GSG1L2: variants seen among roughly 807,000 people sequenced by gnomAD.
GSG1L2 encodes the protein germ cell-specific gene 1-like protein 2.
A neutral mutation model predicts 9.0 loss-of-function variants in GSG1L2; 15 were observed. The ratio of observed to expected loss-of-function variants is 1.67; its 90% CI spans 1.12 to 2.57. The LOEUF (loss-of-function observed/expected upper bound fraction) is 2.57. Among genes scored for constraint, GSG1L2 ranks in the 30% most tolerant of loss-of-function variants. The probability of loss-of-function intolerance (pLI) is 0.00; values close to 1 mark genes in which losing one functional copy is unlikely to be tolerated. For missense variants in GSG1L2, 286 were observed against 150.3 expected, an observed-to-expected ratio of 1.90 and a Z score of -4.72; for synonymous variants, 127 against 57.9, an observed-to-expected ratio of 2.19 and a Z score of -5.41.
At chr17:9,809,486 G>C (rs530777583) in intron 2 of GSG1L2, 1 of 157,172 alleles carries the variant, frequency 6.4e-6, no homozygotes, top group African/African-American at 2.4e-5. Context: ...GAGGGTGGCT[G>C]TGGCGGGCTG....
At chr17:9,818,334 T>A (rs35859443) in intron 1 of GSG1L2, among the ~76,000 whole-genome samples, 18,278 of 151,542 alleles carry the variant, frequency 0.12, 1,379 homozygotes, top group Middle Eastern at 0.17. Context: ...GTTTTAGTTT[T>A]GTTTTGTTTT....
chr17:9,816,910 C>G (rs867103626), intron 1 of GSG1L2, among the ~76,000 whole-genome samples: 9 of 94,446 alleles, frequency 9.5e-5, no homozygotes, highest in Admixed American at 1.2e-4. Flanking sequence ...GTGTGTGTAT[C>G]TGTGTGTGTG....
intron 1 of GSG1L2, among the ~76,000 whole-genome samples, chr17:9,816,864 G>GTC (rs879672807): frequency 0.5 from 74,270 of 148,092 alleles, 20,074 homozygotes; most frequent in East Asian, 0.99. Flanking sequence ...ATCTGTATGT[G>GTC]TGTGTCTGTG....
Position 9,801,360 on chromosome 17 carries a change from A to G in GSG1L2, c.*1026T>C, listed in dbSNP as rs1597937852. Among the ~76,000 whole-genome samples the G allele has an allele frequency of 6.7e-6, 1 of 149,696 alleles. No individual in the cohort carries two copies. The highest frequency in any genetic ancestry group is 2.1e-4 in the South Asian group (1 of 4,790). Reference sequence around the variant, plus strand: ...GTAGCTGGGATTACAGACATGTGCCACCATGCTTGGCTATTTTTGATGTTT... The same window carrying G: ...GTAGCTGGGATTACAGACATGTGCCGCCATGCTTGGCTATTTTTGATGTTT... On this transcript the variant is annotated 3_prime_UTR_variant, in exon 5 of 5. Coordinates refer to ENST00000399363, the MANE Select transcript of GSG1L2 (RefSeq NM_001310219.2).
At chr17:9,806,396 G>C (rs2066516307) in intron 4 of GSG1L2, among the ~76,000 whole-genome samples, 1 of 152,214 alleles carries the variant, frequency 6.6e-6, no homozygotes, top group African/African-American at 2.4e-5. Flanking sequence ...GTGGGTATCA[G>C]AAGGGTGGCA....
At chr17:9,806,883 G>A (rs986440213) in intron 4 of GSG1L2, among the ~76,000 whole-genome samples, 2 of 152,312 alleles carry the variant, frequency 1.3e-5, no homozygotes. Flanking sequence ...ACACACATGC[G>A]TTCACTGAAT....
intron 1 of GSG1L2, among the ~76,000 whole-genome samples, chr17:9,811,981 CACTT>C (rs1445229119): frequency 8.1e-6 from 1 of 123,582 alleles, no homozygotes; most frequent in Non-Finnish European, 1.6e-5. Flanking sequence ...AACCAATAGT[CACTT>C]ATCACTTATC....
In GSG1L2 at chr17:9,820,316, C is replaced by G. The variant is rs147798561; in HGVS notation, c.310+1446G>C. Among the ~76,000 whole-genome samples the G allele has an allele frequency of 0.01, 1,582 of 152,164 alleles. 34 individuals carry two copies. The highest frequency in any genetic ancestry group is 0.036 in the African/African-American group (1,502 of 41,510). On this transcript the variant is annotated intron_variant, in intron 1 of 4. Coordinates refer to ENST00000399363, the MANE Select transcript of GSG1L2 (RefSeq NM_001310219.2). The surrounding 1 kb of genome is among the most constrained non-coding windows in gnomAD (Gnocchi z 4.9). Reference sequence around the variant, plus strand: ...AACTTGGAAAGGAGATGGAATTTCCCAAGTGATTTGCCTATAAGTATGGTG... The same window carrying G: ...AACTTGGAAAGGAGATGGAATTTCCGAAGTGATTTGCCTATAAGTATGGTG...
intron 1 of GSG1L2, among the ~76,000 whole-genome samples, chr17:9,814,238 C>T (rs1268299795): frequency 1.3e-5 from 2 of 152,114 alleles, no homozygotes; most frequent in Non-Finnish European, 2.9e-5. Context: ...CTGGCCTTTC[C>T]ACTGTTTTGA....
rs2066496987 is a variant in GSG1L2, at chr17:9,801,573, T to C, written c.*813A>G. ...GGAACAACCTGTGGCCTGAATAACA[T>C]GGTAGCTGGACATGGGATGAATTGA... is the stretch of plus-strand genomic sequence containing the variant. On this transcript the variant is annotated 3_prime_UTR_variant, in exon 5 of 5. Coordinates refer to ENST00000399363, the MANE Select transcript of GSG1L2 (RefSeq NM_001310219.2). Among the ~76,000 whole-genome samples, 1 of 152,182 alleles carries C rather than the reference T, an allele frequency of 6.6e-6. No individual in the cohort carries two copies. Among genetic ancestry groups the C allele is most frequent in the South Asian group, 2.1e-4 (1 of 4,824 alleles).
chr17:9,807,932 C>T, intron 3 of GSG1L2: 1 of 228,954 alleles, frequency 4.4e-6, no homozygotes, highest in Non-Finnish European at 8.9e-6. Context: ...TGGCATGCAC[C>T]TGTAATCCCA....
In GSG1L2 at chr17:9,802,572, G is replaced by A. The variant is rs1412688805; in HGVS notation, c.696C>T (p.Arg232=). ...VSAMSRFTAA[R]LEFTEKQQAQ... ...CCTGCTGCTTCTCGGTGAATTCCAG[G>A]CGGGCTGCCGTGAACCTGCTCATGG... Residue 232 remains arginine, a synonymous_variant, in exon 5 of 5, where the codon CGC becomes CGT. Coordinates refer to ENST00000399363, the MANE Select transcript of GSG1L2 (RefSeq NM_001310219.2). 4.3e-6 allele frequency: 3 copies of A among 702,762 alleles called. No individual in the cohort carries two copies. The highest frequency in any genetic ancestry group is 7.8e-6 in the Non-Finnish European group (3 of 384,982). 43.5% of individuals were successfully genotyped at this position (702,762 alleles called of 1,614,324 possible). A position where few individuals can be genotyped will look rare whatever the true frequency, so the allele number is the denominator to read the frequency against.
At chr17:9,810,204 G>T (rs2152023208) in intron 2 of GSG1L2, 1 of 284,256 alleles carries the variant, frequency 3.5e-6, no homozygotes, top group South Asian at 6.5e-5. Context: ...TTAGAGAGAA[G>T]AAAAAACTGC....
chr17:9,803,584 T>C (rs1183633135), intron 4 of GSG1L2, among the ~76,000 whole-genome samples: 2 of 152,306 alleles, frequency 1.3e-5, no homozygotes, highest in African/African-American at 2.4e-5. Context: ...AAGGGCTGTG[T>C]GGTGGACAAA....
chr17:9,815,222 A>G (rs932945876), intron 1 of GSG1L2, among the ~76,000 whole-genome samples: 1 of 152,140 alleles, frequency 6.6e-6, no homozygotes, highest in Non-Finnish European at 1.5e-5. Flanking sequence ...CCCTGTCTCT[A>G]CTAAAAATAC....
chr17:9,813,952 T>TA (rs2066549563), intron 1 of GSG1L2, among the ~76,000 whole-genome samples: 1 of 151,916 alleles, frequency 6.6e-6, no homozygotes, highest in Admixed American at 6.6e-5. Context: ...TTCTGTTTTT[T>TA]TTGACGGAGG....
rs139118295 is a variant in GSG1L2, at chr17:9,805,273, C to T, written c.623+2217G>A. On this transcript the variant is annotated intron_variant, in intron 4 of 4. Transcript: ENST00000399363. ...TCAGATTAAAGGCTCCCCCCTCCCC[C>T]ACCCCAAGCACATAGATGAAGGATG... Among the ~76,000 whole-genome samples the T allele has an allele frequency of 7.8e-3, 1,188 of 151,994 alleles. 11 individuals carry two copies. Among genetic ancestry groups the T allele is most frequent in the African/African-American group, 0.026 (1,088 of 41,412 alleles).
intron 3 of GSG1L2, 57 bp downstream of exon 3, chr17:9,808,773 C>T (rs2066525920): frequency 5.7e-6 from 4 of 696,216 alleles, no homozygotes; most frequent in South Asian, 3.0e-5. Context: ...CATGTCCAGT[C>T]TGACACTCTG....
rs187978240 is a variant in GSG1L2, at chr17:9,800,812, C to T, written c.*1574G>A. On this transcript the variant is annotated 3_prime_UTR_variant, in exon 5 of 5. Transcript: ENST00000399363. ...AAAACCATATGAAAGAACCTGCACA[C>T]TGCAAAGGGCAGAGGCTTGTGGGTA... is the stretch of plus-strand genomic sequence containing the variant. Among the ~76,000 whole-genome samples the T allele has an allele frequency of 1.8e-3, 276 of 152,344 alleles. 3 individuals are homozygous for T. Among genetic ancestry groups the T allele is most frequent in the African/African-American group, 6.5e-3 (272 of 41,578 alleles).
Sources: allele counts gnomAD v4.1 joint callset (sites outside exome capture counted in the v4.1 genomes callset), GRCh38; gene constraint gnomAD v4.1.1; non-coding constraint Gnocchi (gnomAD v3.1); transcripts MANE v1.5; gene names NCBI Gene and HGNC (gene_info 2026-07-23, HGNC 2026-07-21).